RUVBL1: variants seen among roughly 807,000 people sequenced by gnomAD.
The protein encoded by RUVBL1 is ruvB-like 1.
A neutral mutation model predicts 52.4 loss-of-function variants in RUVBL1; 4 were observed. The ratio of observed to expected loss-of-function variants is 0.08; its 90% CI spans 0.04 to 0.17. The LOEUF is 0.17. RUVBL1 is among the 10% of genes least tolerant of loss of function. The pLI, the probability that RUVBL1 is intolerant of heterozygous loss-of-function variation, is 1.00. For synonymous variants in RUVBL1, 217 were observed against 214.4 expected (o/e 1.01, Z -0.10); for missense variants, 298 against 572.8 (o/e 0.52, Z 4.90).
Position 128,119,449 on chromosome 3 carries a change from T to G in RUVBL1, c.142-35A>C, listed in dbSNP as rs764374510. The G allele has an allele frequency of 3.2e-6, 5 of 1,553,404 alleles. No homozygotes were observed. In the South Asian group the frequency reaches 5.6e-5, roughly 17 times the overall value. On this transcript the variant is annotated intron_variant, in intron 1 of 10. Coordinates refer to ENST00000322623, the MANE Select transcript of RUVBL1 (RefSeq NM_003707.3). ...ACAATGGAAAGAAATAATAAATCAA[T>G]ATTAAAATGTTTCACAAGGGGAAAA...
intron 7 of RUVBL1, 53 bp from the exon 8 acceptor site, chr3:128,097,551 A>C: frequency 6.5e-7 from 1 of 1,527,112 alleles, no homozygotes; most frequent in South Asian, 1.1e-5. Flanking sequence ...GGGGGAGACT[A>C]TCGCCTTTTC....
intron 8 of RUVBL1, among the ~76,000 whole-genome samples, chr3:128,090,891 C>T (rs1195586316): frequency 6.6e-6 from 1 of 152,040 alleles, no homozygotes; most frequent in African/African-American, 2.4e-5. Context: ...TTCTACACCA[C>T]CCATGATAAA....
At chr3:128,069,418 G>A (rs1023515905) in intron 9 of RUVBL1, 40 of 1,531,100 alleles carry the variant, frequency 2.6e-5, no homozygotes, top group East Asian at 9.0e-5. Context: ...CCTGTTGGCC[G>A]CCTGGCTCAC....
In RUVBL1 at chr3:128,081,122, G is replaced by C; in HGVS notation, c.*128C>G. The C allele has an allele frequency of 2.3e-6, 2 of 860,568 alleles. No homozygotes were observed. The highest frequency in any genetic ancestry group is 3.6e-5 in the South Asian group (2 of 56,070). The allele number at this position is 860,568 out of a possible 1,614,324, so 53.3% of individuals were successfully genotyped here. ...CTTAAAAAGAAATGCTTTCCACACT[G>C]AACTGACAGCGCTGCAGACCACGCC... On this transcript the variant is annotated 3_prime_UTR_variant, in exon 11 of 11. Transcript: ENST00000322623. The surrounding 1 kb of genome is among the most constrained non-coding windows in gnomAD (Gnocchi z 4.8).
intron 1 of RUVBL1, among the ~76,000 whole-genome samples, chr3:128,120,707 G>T (rs778827720): frequency 1.3e-5 from 2 of 152,164 alleles, no homozygotes; most frequent in Non-Finnish European, 2.9e-5. Flanking sequence ...CATGGACTGT[G>T]AAGTACCTTG....
intron 9 of RUVBL1, among the ~76,000 whole-genome samples, chr3:128,068,405 G>T (rs1942048920): frequency 6.6e-6 from 1 of 152,196 alleles, no homozygotes; most frequent in African/African-American, 2.4e-5. Context: ...GTGCTGAAGA[G>T]AGCGCCCTGG....
intron 9 of RUVBL1, among the ~76,000 whole-genome samples, chr3:128,074,434 G>C (rs1942250188): frequency 6.6e-6 from 1 of 152,058 alleles, no homozygotes; most frequent in South Asian, 2.1e-4. Context: ...ATTGGCACAA[G>C]GAACTTTCTG....
intron 1 of RUVBL1, among the ~76,000 whole-genome samples, chr3:128,142,624 G>A (rs1056005764): frequency 1.3e-5 from 2 of 152,114 alleles, no homozygotes; most frequent in Non-Finnish European, 2.9e-5. Flanking sequence ...TTAGGGCCAC[G>A]TTCCTTTCCA....
upstream of RUVBL1, among the ~76,000 whole-genome samples, chr3:128,128,624 C>T (rs2107726910): frequency 6.6e-6 from 1 of 152,328 alleles, no homozygotes; most frequent in East Asian, 1.9e-4. Context: ...ATCATTTCTA[C>T]TCATATCCCA....
At chr3:128,100,898 G>A (rs146623285) in intron 5 of RUVBL1, among the ~76,000 whole-genome samples, 154 bp from the exon 6 acceptor site, 3 of 152,346 alleles carry the variant, frequency 2.0e-5, no homozygotes, top group Non-Finnish European at 4.4e-5. Context: ...CTGCTGCCAA[G>A]AGAAGGGAGC....
intron 1 of RUVBL1, among the ~76,000 whole-genome samples, chr3:128,148,509 T>C (rs1944137212): frequency 6.6e-6 from 1 of 152,122 alleles, no homozygotes; most frequent in Non-Finnish European, 1.5e-5. Flanking sequence ...CTATTACACA[T>C]TCAGGTTGTG....
At chr3:128,095,073 A>G (rs1395933205) in intron 8 of RUVBL1, among the ~76,000 whole-genome samples, 2 of 152,242 alleles carry the variant, frequency 1.3e-5, no homozygotes, top group East Asian at 3.9e-4. Context: ...AACCTCTAGC[A>G]GCCCTTGATC....
intron 1 of RUVBL1, among the ~76,000 whole-genome samples, chr3:128,148,872 T>G (rs1410055136): frequency 6.6e-6 from 1 of 152,222 alleles, no homozygotes; most frequent in African/African-American, 2.4e-5. Context: ...TCTTTGTTCT[T>G]TTCAAAGTCT....
At chr3:128,151,047 AT>A (rs1944199536) in intron 1 of RUVBL1, among the ~76,000 whole-genome samples, 1 of 103,132 alleles carries the variant, frequency 9.7e-6, no homozygotes, top group South Asian at 2.5e-4. Flanking sequence ...TATTCTATAT[AT>A]TCTATATATA....
In RUVBL1 at chr3:128,067,899, A is replaced by T. The variant is rs1942033258; in HGVS notation, c.940-2679T>A. ...AATATTGTCAGTGCTCGAAGAGGCGATCTGTAACTGTTCAGTACCACTTGG... is the reference window on the plus strand; with the variant it reads ...AATATTGTCAGTGCTCGAAGAGGCGTTCTGTAACTGTTCAGTACCACTTGG... On this transcript the variant is annotated intron_variant, in intron 9 of 9. Transcript: ENST00000464873. This position sits in a 1 kb window ranked among gnomAD's most constrained non-coding sequence, Gnocchi z 4.1. The T allele has an allele frequency of 9.3e-7, 1 of 1,070,584 alleles. No homozygotes were observed. The highest frequency in any genetic ancestry group is 1.6e-5 in the African/African-American group (1 of 63,928). 66.3% of individuals were successfully genotyped at this position (1,070,584 alleles called of 1,614,324 possible).
chr3:128,153,711 G>T (rs774103798), exon 1 of RUVBL1: 7 of 1,587,196 alleles, frequency 4.4e-6, no homozygotes, highest in Non-Finnish European at 6.0e-6. Flanking sequence ...GGTCGTCTTT[G>T]CCCGAGTTCC....
intron 8 of RUVBL1, among the ~76,000 whole-genome samples, chr3:128,088,316 T>C (rs1477980098): frequency 1.3e-5 from 2 of 149,416 alleles, no homozygotes; most frequent in African/African-American, 4.9e-5. Context: ...ATCAATATCA[T>C]AGCAAAACTG....
At chr3:128,143,565 A>G (rs1007234581) in intron 1 of RUVBL1, among the ~76,000 whole-genome samples, 2 of 152,206 alleles carry the variant, frequency 1.3e-5, no homozygotes, top group East Asian at 1.9e-4. Flanking sequence ...TGTGGGGGCC[A>G]CTATTCTGCC....
At chr3:128,122,768 C>A (rs978622263) in intron 1 of RUVBL1, among the ~76,000 whole-genome samples, 1 of 152,218 alleles carries the variant, frequency 6.6e-6, no homozygotes, top group Non-Finnish European at 1.5e-5. Flanking sequence ...GTGGCTGTAT[C>A]ATCATAGAGC....
Sources: allele counts gnomAD v4.1 joint callset (sites outside exome capture counted in the v4.1 genomes callset), GRCh38; gene constraint gnomAD v4.1.1; non-coding constraint Gnocchi (gnomAD v3.1); transcripts MANE v1.5; gene names NCBI Gene and HGNC (gene_info 2026-07-23, HGNC 2026-07-21).